Variants in HPSE2 observed in about 807,000 individuals in gnomAD.
The protein encoded by HPSE2 is inactive heparanase-2.
HPSE2 carries 38 observed loss-of-function variants against 60.5 expected under a neutral mutation model. That is an observed-to-expected ratio of 0.63 (90% confidence interval 0.48 to 0.82). HPSE2 has a LOEUF of 0.82. Among genes scored for constraint, HPSE2 ranks in the 40% least tolerant of loss-of-function variants. HPSE2 has a pLI of 0.00. For synonymous variants in HPSE2, 295 were observed against 293.2 expected, an observed-to-expected ratio of 1.01 and a Z score of -0.06; for missense variants, 713 against 740.4, an observed-to-expected ratio of 0.96 and a Z score of 0.43.
In HPSE2 at chr10:99,130,064, C is replaced by T. The variant is rs138245204; in HGVS notation, c.610+14174G>A. Among the ~76,000 whole-genome samples the T allele has an allele frequency of 2.2e-3, 336 of 152,040 alleles. 3 individuals carry two copies. Among genetic ancestry groups the T allele is most frequent in the African/African-American group, 7.7e-3 (319 of 41,472 alleles). Reference sequence around the variant, plus strand: ...TAAATTCCTGGAAGTCTACAACCCTCCTAGATTAAATCAGAAAGAAACAGA... The same window carrying T: ...TAAATTCCTGGAAGTCTACAACCCTTCTAGATTAAATCAGAAAGAAACAGA... On this transcript the variant is annotated intron_variant, in intron 3 of 11. Transcript: ENST00000370552.
intron 9 of HPSE2, among the ~76,000 whole-genome samples, chr10:98,514,293 A>G (rs187097772): frequency 1.3e-4 from 20 of 152,290 alleles, no homozygotes; most frequent in Non-Finnish European, 2.1e-4. Context: ...GAGATATTGC[A>G]TATGGTTACA....
At chr10:99,144,753 C>T (rs1845987913) in intron 2 of HPSE2, among the ~76,000 whole-genome samples, 1 of 152,104 alleles carries the variant, frequency 6.6e-6, no homozygotes, top group African/African-American at 2.4e-5. Context: ...TATTATAATA[C>T]AATTTTGAAT....
intron 3 of HPSE2, among the ~76,000 whole-genome samples, chr10:98,805,183 C>T (rs1355628165): frequency 6.6e-6 from 1 of 152,034 alleles, no homozygotes; most frequent in Non-Finnish European, 1.5e-5. Context: ...ATGATTAACC[C>T]ATTTATGCCC....
intron 3 of HPSE2, among the ~76,000 whole-genome samples, chr10:99,072,124 T>C (rs1842811158): frequency 6.6e-6 from 1 of 152,124 alleles, no homozygotes; most frequent in African/African-American, 2.4e-5. Context: ...AAAATTCCAC[T>C]GAGATTTTGA....
chr10:99,131,299 C>G, intron 3 of HPSE2, among the ~76,000 whole-genome samples: 1 of 152,088 alleles, frequency 6.6e-6, no homozygotes, highest in Middle Eastern at 3.2e-3. Context: ...GAACTAAAAG[C>G]AGAACTACCA....
At chr10:98,955,892 T>C (rs1268487938) in intron 3 of HPSE2, among the ~76,000 whole-genome samples, 1 of 151,938 alleles carries the variant, frequency 6.6e-6, no homozygotes, top group Non-Finnish European at 1.5e-5. Context: ...CACTTATAAG[T>C]GGGAGCTGAA....
intron 2 of HPSE2, among the ~76,000 whole-genome samples, chr10:99,181,737 G>A (rs1847786842): frequency 6.6e-6 from 1 of 152,172 alleles, no homozygotes; most frequent in Non-Finnish European, 1.5e-5. Context: ...TGGGGGTGGG[G>A]AGCTAGGAGA....
chr10:98,942,773 C>A (rs906675096), intron 3 of HPSE2, among the ~76,000 whole-genome samples: 1 of 152,032 alleles, frequency 6.6e-6, no homozygotes, highest in Non-Finnish European at 1.5e-5. Context: ...TATAAAGATA[C>A]ATGCACACGT....
At chr10:99,010,212 GTAAAT>G (rs1264237710) in intron 3 of HPSE2, among the ~76,000 whole-genome samples, 1 of 152,176 alleles carries the variant, frequency 6.6e-6, no homozygotes, top group Non-Finnish European at 1.5e-5. Context: ...AAGACCTGAA[GTAAAT>G]TAAATGTGTT....
intron 9 of HPSE2, among the ~76,000 whole-genome samples, chr10:98,562,306 C>T (rs1944209425): frequency 6.6e-6 from 1 of 152,128 alleles, no homozygotes; most frequent in South Asian, 2.1e-4. Context: ...GCTAACAATG[C>T]ATTTCTTAGA....
At chr10:98,812,780 T>C (rs1222754191) in intron 3 of HPSE2, among the ~76,000 whole-genome samples, 2 of 152,328 alleles carry the variant, frequency 1.3e-5, no homozygotes, top group South Asian at 2.1e-4. Flanking sequence ...CTCAACTTCT[T>C]TGATAATAAA....
At position 98,620,825 on chromosome 10, in the gene HPSE2, T is replaced by A. The variant is rs112522598; in HGVS notation, c.1099-117A>T. 2.2e-5 allele frequency: 17 copies of A among 776,262 alleles called. 1 individual carries two copies. Among genetic ancestry groups the A allele is most frequent in the African/African-American group, 2.0e-4 (12 of 58,616 alleles). The allele number at this position is 776,262 out of a possible 1,614,324, so 48.1% of individuals were successfully genotyped here. On this transcript the variant is annotated intron_variant, in intron 7 of 11. Transcript: ENST00000370552. Reference sequence around the variant, plus strand: ...CTGATTTCCTGTTTTCAGGGGGTCATGATTTGTGCTTTCTTATGATGATGC... The same window carrying A: ...CTGATTTCCTGTTTTCAGGGGGTCAAGATTTGTGCTTTCTTATGATGATGC...
chr10:98,946,431 C>A (rs1955186019), intron 3 of HPSE2, among the ~76,000 whole-genome samples: 1 of 150,484 alleles, frequency 6.6e-6, no homozygotes, highest in African/African-American at 2.5e-5. Context: ...CATGATCATA[C>A]CACTGCACTC....
chr10:98,974,485 C>G (rs911936805), intron 3 of HPSE2, among the ~76,000 whole-genome samples: 6 of 152,008 alleles, frequency 3.9e-5, no homozygotes, highest in African/African-American at 1.4e-4. Context: ...CCAGGCTGGT[C>G]TTGAACTCCT....
intron 9 of HPSE2, among the ~76,000 whole-genome samples, chr10:98,563,206 A>G (rs1944242169): frequency 6.6e-6 from 1 of 152,266 alleles, no homozygotes; most frequent in Non-Finnish European, 1.5e-5. Flanking sequence ...AACATGGTAT[A>G]TCCATGTAGT....
chr10:98,546,323 CAA>C (rs1417485534), intron 9 of HPSE2, among the ~76,000 whole-genome samples: 1 of 135,780 alleles, frequency 7.4e-6, no homozygotes, highest in African/African-American at 2.5e-5. Context: ...CATATGGAAC[CAA>C]AAAAGAGCCT....
At chr10:98,941,237 A>T (rs1314646040) in intron 3 of HPSE2, among the ~76,000 whole-genome samples, 1 of 132,310 alleles carries the variant, frequency 7.6e-6, no homozygotes, top group Non-Finnish European at 1.6e-5. Flanking sequence ...GGCCAGGGCA[A>T]TTAGGCAGGA....
In HPSE2 at chr10:98,554,081, A is replaced by T. The variant is rs1179927584; in HGVS notation, c.1320+60823T>A. On this transcript the variant is annotated intron_variant, in intron 9 of 11. Coordinates refer to ENST00000370552, the MANE Select transcript of HPSE2 (RefSeq NM_021828.5). ...TAATAATATGTAATGTCTCAGTCCC[A>T]TCATCTACCTTTTCCCATAATCCTG... Among the ~76,000 whole-genome samples, 9 of 152,288 alleles carry T rather than the reference A, an allele frequency of 5.9e-5. No individual in the cohort carries two copies. The South Asian group carries it at 1.9e-3, about 32-fold the overall frequency.
chr10:98,799,157 A>G (rs1377572402), intron 3 of HPSE2, among the ~76,000 whole-genome samples: 2 of 152,352 alleles, frequency 1.3e-5, no homozygotes, highest in Admixed American at 6.5e-5. Flanking sequence ...CAGACAAAAC[A>G]GATTTCAAGA....
Sources: allele counts gnomAD v4.1 joint callset (sites outside exome capture counted in the v4.1 genomes callset), GRCh38; gene constraint gnomAD v4.1.1; transcripts MANE v1.5; gene names NCBI Gene and HGNC (gene_info 2026-07-23, HGNC 2026-07-21).